TTC8: variants seen among roughly 807,000 people sequenced by gnomAD.
The protein encoded by TTC8 is tetratricopeptide repeat protein 8.
TTC8 carries 47 observed loss-of-function variants against 72.5 expected under a neutral mutation model. The ratio of observed to expected loss-of-function variants is 0.65; its 90% CI spans 0.51 to 0.83. The LOEUF is 0.83. Ranked by LOEUF, TTC8 falls within the 40% of genes least tolerant of loss-of-function variation. The probability of loss-of-function intolerance (pLI) is 0.00; values close to 1 mark genes in which losing one functional copy is unlikely to be tolerated. For synonymous variants in TTC8, 199 were observed against 221.4 expected, an observed-to-expected ratio of 0.90 and a Z score of 0.90; for missense variants, 611 against 623.2, an observed-to-expected ratio of 0.98 and a Z score of 0.21.
At chr14:88,832,681 C>G (rs891366359) in intron 1 of TTC8, among the ~76,000 whole-genome samples, 2 of 152,156 alleles carry the variant, frequency 1.3e-5, no homozygotes, top group African/African-American at 4.8e-5. Flanking sequence ...TACAAGTAAA[C>G]AGAAGAAAGA....
chr14:88,872,480 G>A (rs370022900), intron 13 of TTC8, 28 bp downstream of exon 13: 9 of 1,612,204 alleles, frequency 5.6e-6, no homozygotes, highest in Non-Finnish European at 6.8e-6. Flanking sequence ...GGCATGCTGG[G>A]CAGTCTGCTT....
In TTC8 at chr14:88,865,715, T is replaced by TTAGA. The variant is rs2094906586; in HGVS notation, c.910-4343_910-4342insAGAT. Among the ~76,000 whole-genome samples, 14 of 152,186 alleles carry TTAGA rather than the reference T, an allele frequency of 9.2e-5. No homozygotes were observed. In the South Asian group the frequency reaches 2.9e-3, roughly 32 times the overall value. ...AATAATTTAAAAATCTAATTAAAGATTTTGTGTCTACATTTTGTGAATTGG... is the reference window on the plus strand; with the variant it reads ...AATAATTTAAAAATCTAATTAAAGATTAGATTTGTGTCTACATTTTGTGAATTGG... On this transcript the variant is annotated intron_variant, in intron 10 of 14. Transcript: ENST00000380656.
At chr14:88,834,207 G>A (rs2094739312) in intron 2 of TTC8, among the ~76,000 whole-genome samples, 1 of 152,168 alleles carries the variant, frequency 6.6e-6, no homozygotes, top group African/African-American at 2.4e-5. Flanking sequence ...AGGGACACTG[G>A]CCAGACAGTC....
At position 88,871,729 on chromosome 14, in the gene TTC8, T is replaced by C. The variant is rs1267928530; in HGVS notation, c.1224+6T>C. 6.2e-7 allele frequency: 1 copy of C among 1,613,940 alleles called. No homozygotes were observed. The highest frequency in any genetic ancestry group is 8.5e-7 in the Non-Finnish European group (1 of 1,179,966). On this transcript the variant is annotated splice_donor_region_variant and intron_variant, in intron 12 of 14. Coordinates refer to ENST00000380656, the MANE Select transcript of TTC8 (RefSeq NM_144596.4). This position sits in a 1 kb window ranked among gnomAD's most constrained non-coding sequence, Gnocchi z 4.1. ...ACTTGGGACATGTAGCTGTGGTATGTTGTCTTACTGATATAATTTCTGTTA... is the reference window on the plus strand; with the variant it reads ...ACTTGGGACATGTAGCTGTGGTATGCTGTCTTACTGATATAATTTCTGTTA...
chr14:88,846,754 A>G (rs1250108886), intron 7 of TTC8: 3 of 811,092 alleles, frequency 3.7e-6, no homozygotes, highest in Non-Finnish European at 5.5e-6. Flanking sequence ...TTTACATATT[A>G]TGTTAGTATC....
intron 7 of TTC8, among the ~76,000 whole-genome samples, chr14:88,845,462 C>T (rs1224508018): frequency 6.6e-6 from 1 of 152,084 alleles, no homozygotes; most frequent in Admixed American, 6.5e-5. Context: ...AGGGGACAGC[C>T]TGGGCCACAT....
In TTC8 at chr14:88,871,499, A is replaced by G; in HGVS notation, c.1050-50A>G. 6.4e-7 allele frequency: 1 copy of G among 1,560,972 alleles called. No homozygotes were observed. Among genetic ancestry groups the G allele is most frequent in the Middle Eastern group, 1.7e-4 (1 of 5,892 alleles). On this transcript the variant is annotated intron_variant, in intron 11 of 14. Transcript: ENST00000380656. This position sits in a 1 kb window ranked among gnomAD's most constrained non-coding sequence, Gnocchi z 4.1. ...AAAATATATATATATATGTCTTAAA[A>G]CTTACAAAGTTGGTCTGACACCAAA...
intron 10 of TTC8, 37 bp downstream of exon 10, chr14:88,861,369 A>C: frequency 1.4e-6 from 2 of 1,439,972 alleles, no homozygotes; most frequent in Admixed American, 3.4e-5. Context: ...TTATTGATAC[A>C]CAATAGTTTT....
At chr14:88,831,592 T>G (rs1478374314) in intron 1 of TTC8, among the ~76,000 whole-genome samples, 1 of 152,172 alleles carries the variant, frequency 6.6e-6, no homozygotes, top group African/African-American at 2.4e-5. Context: ...CATCTGTAAA[T>G]GGTGATGATA....
intron 7 of TTC8, among the ~76,000 whole-genome samples, chr14:88,845,398 G>C (rs182867926): frequency 2.1e-4 from 32 of 152,270 alleles, no homozygotes; most frequent in African/African-American, 6.5e-4. Flanking sequence ...ATGACAAAAG[G>C]CTATCTAAGT....
chr14:88,877,477 G>C lies in TTC8; in HGVS notation c.*67G>C, dbSNP rs1266741578. The stretch of plus-strand genomic sequence containing the variant: ...GCAAGGGGAAAAAAGCACTATGTCT[G>C]TGTATGTATGTATATAGTGTAATAC... On this transcript the variant is annotated 3_prime_UTR_variant, in exon 15 of 15. Transcript: ENST00000380656. The C allele has an allele frequency of 8.2e-7, 1 of 1,221,614 alleles. No homozygotes were observed. Among genetic ancestry groups the C allele is most frequent in the Non-Finnish European group, 1.2e-6 (1 of 822,998 alleles). The allele number at this position is 1,221,614 out of a possible 1,614,324, so 75.7% of individuals were successfully genotyped here.
chr14:88,848,606 G>T (rs1220890084), intron 7 of TTC8, among the ~76,000 whole-genome samples: 2 of 152,140 alleles, frequency 1.3e-5, no homozygotes, highest in East Asian at 1.9e-4. Flanking sequence ...TAAATAGCAT[G>T]ATGGAATCTT....
chr14:88,826,534 C>T (rs948834288), intron 1 of TTC8, among the ~76,000 whole-genome samples: 4 of 151,658 alleles, frequency 2.6e-5, no homozygotes, highest in Admixed American at 2.6e-4. Flanking sequence ...GAAACCCCCT[C>T]TCTACTAAAA....
rs144422576 is a variant in TTC8 at position 88,839,454 on chromosome 14, A to C, written c.147A>C (p.Ala49=). 32 of 1,612,834 alleles carry C rather than the reference A, an allele frequency of 2.0e-5. No homozygotes were observed. Among genetic ancestry groups the C allele is most frequent in the Non-Finnish European group, 2.6e-5 (31 of 1,179,292 alleles). Residue 49 remains alanine, a splice_region_variant and synonymous_variant, in exon 3 of 15, where the codon GCA becomes GCC. Transcript: ENST00000380656. ...TTTTATTTATCCATGGGTTTTAGGC[A>C]GCTTGGATCTTAAAAGCAAGAGCGC... ...EPDPELPVHQ[A]AWILKARALT...
chr14:88,855,304 C>T (rs866459222), intron 8 of TTC8, among the ~76,000 whole-genome samples: 4 of 152,262 alleles, frequency 2.6e-5, no homozygotes, highest in Non-Finnish European at 5.9e-5. Flanking sequence ...CTTACCATCA[C>T]GAAATAAGCA....
intron 10 of TTC8, among the ~76,000 whole-genome samples, chr14:88,867,224 A>T (rs552395616): frequency 4.6e-4 from 70 of 152,324 alleles, no homozygotes; most frequent in African/African-American, 1.6e-3. Context: ...GTGCACAAAG[A>T]TCTGTACAAA....
intron 6 of TTC8, among the ~76,000 whole-genome samples, chr14:88,842,479 T>A (rs2094786232): frequency 6.6e-6 from 1 of 152,248 alleles, no homozygotes; most frequent in African/African-American, 2.4e-5. Context: ...AGTAAAATTG[T>A]AAAGCTATCC....
chr14:88,839,552 A>G lies in TTC8; in HGVS notation c.245A>G (p.Asn82Ser), dbSNP rs1408981642. Reference protein sequence around the residue: ...EGIAEMMLDENAIAQVPRPGT... With the variant: ...EGIAEMMLDESAIAQVPRPGT... ...ATTGCAGAAATGATGCTGGATGAAA[A>G]TGCTATAGCTCAAGTTCCACGTAAG... is the stretch of plus-strand genomic sequence containing the variant. The change falls in exon 3 of 15, where the codon AAT (asparagine) becomes AGT (serine). Residue 82 changes from asparagine (N) to serine (S), a missense_variant. Asn to Ser is a conservative substitution (Grantham distance 46). Transcript: ENST00000380656. The G allele has an allele frequency of 1.2e-6, 2 of 1,613,282 alleles. No individual in the cohort carries two copies. The highest frequency in any genetic ancestry group is 2.2e-5 in the South Asian group (2 of 91,078).
At chr14:88,861,392 G>A in intron 10 of TTC8, 60 bp downstream of exon 10, 1 of 1,288,760 alleles carries the variant, frequency 7.8e-7, no homozygotes, top group East Asian at 2.6e-5. Context: ...ATATTTTTGT[G>A]GTACATGTGA....
Sources: gnomAD v4.1 joint callset for allele counts (sites outside exome capture counted in the v4.1 genomes callset) on GRCh38, gnomAD v4.1.1 for gene constraint, Gnocchi (gnomAD v3.1) non-coding constraint, MANE v1.5 for transcripts, NCBI Gene and HGNC (gene_info 2026-07-23, HGNC 2026-07-21) for gene names.